CDC42BPA: variants seen among roughly 807,000 people sequenced by gnomAD.
CDC42BPA encodes serine/threonine-protein kinase MRCK alpha.
A neutral mutation model predicts 223.5 loss-of-function variants in CDC42BPA; 80 were observed. The ratio of observed to expected loss-of-function variants is 0.36; its 90% CI spans 0.30 to 0.43. The LOEUF is 0.43. CDC42BPA is among the 20% of genes least tolerant of loss of function. The pLI is 1.00. For synonymous variants in CDC42BPA, 694 were observed against 718.6 expected, an observed-to-expected ratio of 0.97 and a Z score of 0.55; for missense variants, 1,743 against 2,099.9, an observed-to-expected ratio of 0.83 and a Z score of 3.32.
intron 3 of CDC42BPA, among the ~76,000 whole-genome samples, chr1:227,205,281 AAAATATAT>A (rs1558757578): frequency 1.7e-4 from 11 of 64,928 alleles, no homozygotes; most frequent in South Asian, 9.3e-4. Flanking sequence ...AAAAAAAAAA[AAAATATAT>A]ATATATATAT....
chr1:227,256,368 C>T (rs1305490241), intron 1 of CDC42BPA, among the ~76,000 whole-genome samples: 8 of 151,984 alleles, frequency 5.3e-5, no homozygotes, highest in Non-Finnish European at 8.8e-5. Flanking sequence ...AACTAATGCA[C>T]GCGGGGCTTA....
Position 227,301,777 on chromosome 1 carries a change from G to A in CDC42BPA, c.178+15228C>T, listed in dbSNP as rs141051773. Among the ~76,000 whole-genome samples, 519 of 151,628 alleles carry A rather than the reference G, an allele frequency of 3.4e-3. 10 individuals carry two copies. Among genetic ancestry groups the A allele is most frequent in the Admixed American group, 0.03 (457 of 15,238 alleles). On this transcript the variant is annotated intron_variant, in intron 1 of 36. Transcript: ENST00000366766. The stretch of plus-strand genomic sequence containing the variant: ...AGATTTAGGAAAAACATTACGCCCC[G>A]TACCTACTATCACTTCCACCAAAAA...
intron 1 of CDC42BPA, among the ~76,000 whole-genome samples, chr1:227,303,846 G>A (rs1223946588): frequency 6.6e-6 from 1 of 152,184 alleles, no homozygotes; most frequent in Non-Finnish European, 1.5e-5. Context: ...TATAGTGTTA[G>A]TGAATTGCAG....
rs188975713 is a variant in CDC42BPA at position 227,217,469 on chromosome 1, A to G, written c.271-4250T>C. ...TCTCAAAAAAAAAAAGAAAAGAAAAAAAAGAAAATCTTGCCTGGATTGTCC... is the reference window on the plus strand; with the variant it reads ...TCTCAAAAAAAAAAAGAAAAGAAAAGAAAGAAAATCTTGCCTGGATTGTCC... On this transcript the variant is annotated intron_variant, in intron 2 of 36. Coordinates refer to ENST00000366766, the MANE Select transcript of CDC42BPA (RefSeq NM_001394014.1). 1.1e-4 allele frequency among the ~76,000 whole-genome samples: 16 copies of G among 151,842 alleles called. No individual in the cohort carries two copies. The East Asian group carries it at 2.3e-3, about 22-fold the overall frequency.
intron 2 of CDC42BPA, among the ~76,000 whole-genome samples, chr1:227,233,220 G>T (rs768356019): frequency 6.6e-6 from 1 of 152,084 alleles, no homozygotes; most frequent in Non-Finnish European, 1.5e-5. Context: ...TTTTAGTAGA[G>T]ATGTTACAGA....
intron 5 of CDC42BPA, among the ~76,000 whole-genome samples, chr1:227,192,162 TA>T (rs1312644025): frequency 6.6e-6 from 1 of 152,174 alleles, no homozygotes; most frequent in African/African-American, 2.4e-5. Context: ...CAATACTAAT[TA>T]AATGAAACAG....
At position 227,258,176 on chromosome 1, in the gene CDC42BPA, G is replaced by GA. The variant is rs60156840; in HGVS notation, c.179-4022dup. Among the ~76,000 whole-genome samples the GA allele has an allele frequency of 3.2e-3, 344 of 108,058 alleles. 6 individuals carry two copies. Among genetic ancestry groups the GA allele is most frequent in the African/African-American group, 8.2e-3 (220 of 26,802 alleles). 70.9% of individuals were successfully genotyped at this position (108,058 alleles called of 152,430 possible). Reference sequence around the variant, plus strand: ...GGCAACAGGGTGAAACCCTGTCCGGGAAAAAAAAAAAAAAAAAAGAACTGA... The same window carrying GA: ...GGCAACAGGGTGAAACCCTGTCCGGGAAAAAAAAAAAAAAAAAAAGAACTGA... On this transcript the variant is annotated intron_variant, in intron 1 of 36. Transcript: ENST00000366766.
chr1:227,212,077 G>A (rs533953139), intron 3 of CDC42BPA, among the ~76,000 whole-genome samples: 12 of 151,484 alleles, frequency 7.9e-5, no homozygotes, highest in Non-Finnish European at 1.3e-4. Context: ...CACTTCTGAG[G>A]GTTTTTGTTT....
intron 2 of CDC42BPA, among the ~76,000 whole-genome samples, chr1:227,245,886 C>G (rs1680856467): frequency 1.3e-5 from 2 of 152,176 alleles, no homozygotes; most frequent in Non-Finnish European, 2.9e-5. Flanking sequence ...CCAGCACATT[C>G]CCAGTTGTGG....
In CDC42BPA at chr1:227,237,278, G is replaced by A. The variant is rs528774038; in HGVS notation, c.270+16786C>T. Among the ~76,000 whole-genome samples, 69 of 152,150 alleles carry A rather than the reference G, an allele frequency of 4.5e-4. 1 individual carries two copies. The South Asian group carries it at 0.014, about 30-fold the overall frequency. ...GTTATTACATGGTATCTTAAAATGA[G>A]TAATACATTTACATGCTTTAAAAAA... On this transcript the variant is annotated intron_variant, in intron 2 of 36. Transcript: ENST00000366766.
rs148659065 is a variant in CDC42BPA, at chr1:227,157,664, C to T, written c.693+2879G>A. 4.6e-3 allele frequency among the ~76,000 whole-genome samples: 690 copies of T among 150,560 alleles called. 5 individuals are homozygous for T. Among genetic ancestry groups the T allele is most frequent in the African/African-American group, 0.016 (665 of 41,036 alleles). On this transcript the variant is annotated intron_variant, in intron 6 of 36. Coordinates refer to ENST00000366766, the MANE Select transcript of CDC42BPA (RefSeq NM_001394014.1). ...CCATTACGTACACATTTTTTTTTCCCCACATCTCACTCTCTTCTTCTATAT... is the reference window on the plus strand; with the variant it reads ...CCATTACGTACACATTTTTTTTTCCTCACATCTCACTCTCTTCTTCTATAT...
At chr1:227,113,864 T>TA (rs34320118) in intron 12 of CDC42BPA, among the ~76,000 whole-genome samples, 17,918 of 112,272 alleles carry the variant, frequency 0.16, 1,174 homozygotes, top group East Asian at 0.3. Flanking sequence ...AATAACAATG[T>TA]AAAAAAAAAA....
chr1:227,304,305 C>A (rs1226649037), intron 1 of CDC42BPA, among the ~76,000 whole-genome samples: 1 of 151,922 alleles, frequency 6.6e-6, no homozygotes, highest in East Asian at 1.9e-4. Context: ...ACTCAGGAGG[C>A]TGAGGCAGAA....
chr1:227,064,257 T>C (rs1345449529), intron 21 of CDC42BPA, among the ~76,000 whole-genome samples: 1 of 152,204 alleles, frequency 6.6e-6, no homozygotes, highest in Non-Finnish European at 1.5e-5. Context: ...ATTTCTATTT[T>C]TGTGAACTGG....
intron 17 of CDC42BPA, among the ~76,000 whole-genome samples, chr1:227,080,039 C>T (rs1336340511): frequency 6.6e-6 from 1 of 151,958 alleles, no homozygotes; most frequent in Non-Finnish European, 1.5e-5. Flanking sequence ...TTGACTGTGA[C>T]CCATCACAAA....
chr1:227,308,851 G>A (rs753041296), intron 1 of CDC42BPA, among the ~76,000 whole-genome samples: 1 of 152,094 alleles, frequency 6.6e-6, no homozygotes, highest in Non-Finnish European at 1.5e-5. Flanking sequence ...AAATTAAACA[G>A]AAGGTGTTTT....
chr1:227,080,770 G>GT, intron 17 of CDC42BPA, 123 bp downstream of exon 17: 1 of 1,105,832 alleles, frequency 9.0e-7, no homozygotes, highest in South Asian at 1.3e-5. Flanking sequence ...GCTTTTCAGA[G>GT]TAACTTATTT....
chr1:227,284,505 G>A (rs566667164), intron 1 of CDC42BPA, among the ~76,000 whole-genome samples: 1 of 152,314 alleles, frequency 6.6e-6, no homozygotes, highest in Non-Finnish European at 1.5e-5. Flanking sequence ...ATCCCCAGGA[G>A]AGGGCCTAAC....
In CDC42BPA at chr1:227,298,523, C is replaced by T. The variant is rs920947688; in HGVS notation, c.178+18482G>A. 5.3e-5 allele frequency among the ~76,000 whole-genome samples: 8 copies of T among 152,178 alleles called. 1 individual carries two copies. The highest frequency in any genetic ancestry group is 3.4e-3 in the Middle Eastern group (1 of 294). On this transcript the variant is annotated intron_variant, in intron 1 of 36. Coordinates refer to ENST00000366766, the MANE Select transcript of CDC42BPA (RefSeq NM_001394014.1). The stretch of plus-strand genomic sequence containing the variant: ...AAATCCTCCCCCTCTACTCCCTTAC[C>T]CTAAACCTTGCCCTACGCATCACTT...
Sources: allele counts gnomAD v4.1 joint callset (sites outside exome capture counted in the v4.1 genomes callset), GRCh38; gene constraint gnomAD v4.1.1; transcripts MANE v1.5; gene names NCBI Gene and HGNC (gene_info 2026-07-23, HGNC 2026-07-21).